The following MLLT3 variants were observed in gnomAD, a reference collection of about 807,000 sequenced individuals.
MLLT3 encodes MLLT3 super elongation complex subunit.
A neutral mutation model predicts 53.2 loss-of-function variants in MLLT3; 4 were observed. That is an observed-to-expected ratio of 0.08 (90% CI 0.04 to 0.17). MLLT3 has a LOEUF of 0.17. Among genes scored for constraint, MLLT3 ranks in the 10% least tolerant of loss-of-function variants. The probability of loss-of-function intolerance (pLI) is 1.00; values close to 1 mark genes in which losing one functional copy is unlikely to be tolerated. For missense variants in MLLT3, 569 were observed against 684.0 expected, an observed-to-expected ratio of 0.83 and a Z score of 1.87; for synonymous variants, 283 against 230.6, an observed-to-expected ratio of 1.23 and a Z score of -2.06.
chr9:20,348,644 T>G (rs1258149492), intron 10 of MLLT3, among the ~76,000 whole-genome samples: 1 of 152,206 alleles, frequency 6.6e-6, no homozygotes, highest in Non-Finnish European at 1.5e-5. Flanking sequence ...ACCACTAGAC[T>G]CAAGGTTCTG....
chr9:20,516,926 T>A (rs192318529), intron 2 of MLLT3, among the ~76,000 whole-genome samples: 178 of 152,356 alleles, frequency 1.2e-3, no homozygotes, highest in African/African-American at 4.2e-3. Context: ...AGTAATATGC[T>A]AGAAATTTTC....
At chr9:20,604,109 A>G (rs1820505582) in intron 2 of MLLT3, among the ~76,000 whole-genome samples, 1 of 152,086 alleles carries the variant, frequency 6.6e-6, no homozygotes, top group South Asian at 2.1e-4. Context: ...TTGCCCTCTT[A>G]AGACTTAACA....
intron 2 of MLLT3, among the ~76,000 whole-genome samples, chr9:20,469,741 T>A (rs1018592450): frequency 7.2e-6 from 1 of 139,150 alleles, no homozygotes; most frequent in Non-Finnish European, 1.6e-5. Context: ...AAAAAAAAAA[T>A]CTCTCTTCCT....
At chr9:20,386,463 TA>T (rs1822038936) in intron 5 of MLLT3, among the ~76,000 whole-genome samples, 1 of 152,188 alleles carries the variant, frequency 6.6e-6, no homozygotes, top group African/African-American at 2.4e-5. Flanking sequence ...GTAGCTTTGC[TA>T]AAGAAAGACC....
At chr9:20,400,890 C>T (rs1822438336) in intron 5 of MLLT3, among the ~76,000 whole-genome samples, 1 of 152,080 alleles carries the variant, frequency 6.6e-6, no homozygotes, top group African/African-American at 2.4e-5. Flanking sequence ...GATTTATATC[C>T]TTTTGCATAT....
rs1248914878 is a variant in MLLT3, at chr9:20,343,815, A to G, written c.*2628T>C. 1 of 211,286 alleles carries G rather than the reference A, an allele frequency of 4.7e-6. No homozygotes were observed. Among genetic ancestry groups the G allele is most frequent in the Non-Finnish European group, 9.6e-6 (1 of 104,274 alleles). 13.1% of individuals were successfully genotyped at this position (211,286 alleles called of 1,614,324 possible). ...CTGTTAGGGTACTCACATGTCAAAG[A>G]TATTCTTAATAGGCTTCAAAGTTGG... On this transcript the variant is annotated 3_prime_UTR_variant, in exon 11 of 11. Transcript: ENST00000380338.
intron 2 of MLLT3, among the ~76,000 whole-genome samples, chr9:20,542,192 C>A (rs1167481399): frequency 6.6e-6 from 1 of 151,670 alleles, no homozygotes; most frequent in Non-Finnish European, 1.5e-5. Context: ...CATACATTCC[C>A]ATCACAGCTC....
intron 2 of MLLT3, among the ~76,000 whole-genome samples, chr9:20,587,369 G>T (rs1241191051): frequency 6.6e-6 from 1 of 151,958 alleles, no homozygotes; most frequent in Non-Finnish European, 1.5e-5. Flanking sequence ...TCATTTTACA[G>T]ATAAGAAAGC....
At chr9:20,537,561 G>T (rs975042056) in intron 2 of MLLT3, among the ~76,000 whole-genome samples, 4 of 152,060 alleles carry the variant, frequency 2.6e-5, no homozygotes, top group African/African-American at 9.7e-5. Context: ...GCGGGGGTGA[G>T]GGAGTCCTGC....
Position 20,353,578 on chromosome 9 carries a change from C to T in MLLT3, c.1522G>A (p.Val508Ile). The change falls in exon 10 of 11, where the codon GTA (valine) becomes ATA (isoleucine). Residue 508 changes from valine to isoleucine, a missense_variant. Val to Ile is a conservative substitution (Grantham distance 29, BLOSUM62 3). This residue lies in a region of MLLT3 where 45 missense variants were observed against 85.5 expected (regional missense o/e 0.53). Transcript: ENST00000380338. ...ECDKAYLDEL[V>I]ELHRRLMTLR... ...GTCATTAACCTTCTGTGAAGCTCTACCAGTTCATCTAGGTATGCCTGAAAG... is the reference window on the plus strand; with the variant it reads ...GTCATTAACCTTCTGTGAAGCTCTATCAGTTCATCTAGGTATGCCTGAAAG... 1.2e-6 allele frequency: 2 copies of T among 1,614,066 alleles called. No individual in the cohort carries two copies. Among genetic ancestry groups the T allele is most frequent in the Non-Finnish European group, 8.5e-7 (1 of 1,179,910 alleles).
intron 2 of MLLT3, among the ~76,000 whole-genome samples, chr9:20,536,739 C>A (rs112372458): frequency 2.0e-5 from 3 of 152,064 alleles, no homozygotes; most frequent in East Asian, 3.9e-4. Context: ...TTAATAAAAT[C>A]TACTGTGTGC....
intron 4 of MLLT3, among the ~76,000 whole-genome samples, chr9:20,419,631 T>C (rs569850496): frequency 7.4e-4 from 113 of 152,068 alleles, no homozygotes; most frequent in African/African-American, 2.7e-3. Flanking sequence ...TTTGTAATAC[T>C]GAAATCTAGA....
At chr9:20,450,592 C>G (rs953162146) in intron 3 of MLLT3, among the ~76,000 whole-genome samples, 29 of 152,122 alleles carry the variant, frequency 1.9e-4, no homozygotes, top group Non-Finnish European at 3.8e-4. Context: ...AGTAGTGCTC[C>G]CCACACCTGA....
At chr9:20,392,063 G>A (rs1822198551) in intron 5 of MLLT3, among the ~76,000 whole-genome samples, 1 of 152,114 alleles carries the variant, frequency 6.6e-6, no homozygotes, top group Non-Finnish European at 1.5e-5. Flanking sequence ...CGGTAAGCGG[G>A]AACTTCACCG....
intron 2 of MLLT3, among the ~76,000 whole-genome samples, chr9:20,478,731 T>G (rs1310854863): frequency 6.6e-6 from 1 of 152,212 alleles, no homozygotes; most frequent in African/African-American, 2.4e-5. Context: ...GCAAGTCATT[T>G]TAACCTCGGA....
rs1384352559 is a variant in MLLT3 at position 20,448,360 on chromosome 9, G to T, written c.277-94C>A. On this transcript the variant is annotated intron_variant, in intron 3 of 10. Transcript: ENST00000380338. This position sits in a 1 kb window ranked among gnomAD's most constrained non-coding sequence, Gnocchi z 4.0. ...TTTACTCCTCATAAGAAATAGAAAA[G>T]AACTAAGACATCTAACAGCTAAACT... is the stretch of plus-strand genomic sequence containing the variant. 4 of 1,147,990 alleles carry T rather than the reference G, an allele frequency of 3.5e-6. No individual in the cohort carries two copies. Among genetic ancestry groups the T allele is most frequent in the Admixed American group, 2.2e-5 (1 of 45,822 alleles). 71.1% of individuals were successfully genotyped at this position (1,147,990 alleles called of 1,614,324 possible). A position where few individuals can be genotyped will look rare whatever the true frequency, so the allele number is the denominator to read the frequency against.
chr9:20,568,898 G>T (rs1296047878), intron 2 of MLLT3, among the ~76,000 whole-genome samples: 1 of 152,090 alleles, frequency 6.6e-6, no homozygotes, highest in Non-Finnish European at 1.5e-5. Context: ...AATAGAGTGG[G>T]GTTGGAGTAG....
rs1334867610 is a variant in MLLT3, at chr9:20,492,629, T to C, written c.194-35843A>G. The stretch of plus-strand genomic sequence containing the variant: ...ATATATATTAATGTGCTAGATTTAA[T>C]AGAAAAAAATCATTTATATAAGAGC... On this transcript the variant is annotated intron_variant, in intron 2 of 10. Coordinates refer to ENST00000380338, the MANE Select transcript of MLLT3 (RefSeq NM_004529.4). 5.3e-5 allele frequency among the ~76,000 whole-genome samples: 8 copies of C among 151,942 alleles called. No homozygotes were observed. The East Asian group carries it at 7.7e-4, about 15-fold the overall frequency.
chr9:20,605,358 C>A (rs1373735051), intron 2 of MLLT3, among the ~76,000 whole-genome samples: 1 of 151,978 alleles, frequency 6.6e-6, no homozygotes, highest in Non-Finnish European at 1.5e-5. Flanking sequence ...GTATTTCAGA[C>A]ATCTAGCTAA....
Sources: allele counts gnomAD v4.1 joint callset (sites outside exome capture counted in the v4.1 genomes callset), GRCh38; gene constraint gnomAD v4.1.1; regional missense constraint gnomAD v4.1.1; non-coding constraint Gnocchi (gnomAD v3.1); transcripts MANE v1.5; gene names NCBI Gene and HGNC (gene_info 2026-07-23, HGNC 2026-07-21).